The following RHBDL2 variants were observed in gnomAD, a reference collection of about 807,000 sequenced individuals.
RHBDL2 encodes rhomboid like 2.
A neutral mutation model predicts 31.7 loss-of-function variants in RHBDL2; 26 were observed. The observed-to-expected ratio is 0.82, with a 90% CI of 0.60 to 1.14. The LOEUF is 1.14. RHBDL2 is among the 50% of genes most tolerant of loss of function. The pLI is 0.00. For synonymous variants in RHBDL2, 123 were observed against 127.2 expected, an observed-to-expected ratio of 0.97 and a Z score of 0.22; for missense variants, 336 against 364.4, an observed-to-expected ratio of 0.92 and a Z score of 0.63.
rs568163713 is a variant in RHBDL2 at position 38,917,219 on chromosome 1, G to T, written c.247-1509C>A. ...TTTTTAGTAGAGACAGGGTTTCACC[G>T]TGTTAGCCAGGATGGTCTCAATCTC... On this transcript the variant is annotated intron_variant, in intron 2 of 7. Coordinates refer to ENST00000372990, the MANE Select transcript of RHBDL2 (RefSeq NM_017821.5). 5.9e-5 allele frequency among the ~76,000 whole-genome samples: 9 copies of T among 151,686 alleles called. No homozygotes were observed. The East Asian group carries it at 1.2e-3, about 20-fold the overall frequency.
intron 1 of RHBDL2, among the ~76,000 whole-genome samples, chr1:38,921,135 G>A (rs1024267402): frequency 2.0e-5 from 3 of 152,192 alleles, no homozygotes; most frequent in African/African-American, 4.8e-5. Context: ...TGGGCCGGGC[G>A]TGGTGGCTCA....
rs1486681102 is a variant in RHBDL2 at position 38,919,352 on chromosome 1, A to G, written c.-125-15T>C. On this transcript the variant is annotated splice_polypyrimidine_tract_variant and intron_variant, in intron 1 of 7. Coordinates refer to ENST00000372990, the MANE Select transcript of RHBDL2 (RefSeq NM_017821.5). ...CAAGGCCTTTCCTGTATGTGAAGAGAAGACAGCTGAAGATGATCAAAATGA... is the reference window on the plus strand; with the variant it reads ...CAAGGCCTTTCCTGTATGTGAAGAGGAGACAGCTGAAGATGATCAAAATGA... The G allele has an allele frequency of 6.4e-7, 1 of 1,554,092 alleles. No individual in the cohort carries two copies. The highest frequency in any genetic ancestry group is 1.9e-5 in the Admixed American group (1 of 52,038).
In RHBDL2 at chr1:38,904,814, G is replaced by C. The variant is rs1001767171; in HGVS notation, c.508+6508C>G. ...TGGGAGGCCGAGGCGGGCGGATCACGAGGTCAGGATATCGAGACCATCCTG... is the reference window on the plus strand; with the variant it reads ...TGGGAGGCCGAGGCGGGCGGATCACCAGGTCAGGATATCGAGACCATCCTG... On this transcript the variant is annotated intron_variant, in intron 4 of 7. Coordinates refer to ENST00000372990, the MANE Select transcript of RHBDL2 (RefSeq NM_017821.5). Among the ~76,000 whole-genome samples the C allele has an allele frequency of 2.8e-5, 4 of 140,726 alleles. No homozygotes were observed. The South Asian group carries it at 9.1e-4, about 32-fold the overall frequency. 92.3% of individuals were successfully genotyped at this position (140,726 alleles called of 152,430 possible).
At chr1:38,895,158 T>C (rs540123686) in intron 5 of RHBDL2, among the ~76,000 whole-genome samples, 1 of 152,226 alleles carries the variant, frequency 6.6e-6, no homozygotes, top group South Asian at 2.1e-4. Context: ...AGCACTGACA[T>C]GGGTAGATGG....
At chr1:38,892,184 G>GC (rs948170103) in intron 6 of RHBDL2, among the ~76,000 whole-genome samples, 3 of 151,922 alleles carry the variant, frequency 2.0e-5, no homozygotes, top group Non-Finnish European at 2.9e-5. Context: ...GCTGCCACCT[G>GC]CCCCCCGCTC....
intron 1 of RHBDL2, among the ~76,000 whole-genome samples, chr1:38,928,572 G>A (rs528030281): frequency 2.0e-5 from 3 of 151,818 alleles, no homozygotes; most frequent in Admixed American, 2.0e-4. Context: ...TCACCCTCCC[G>A]AGTAGCTGGG....
intron 3 of RHBDL2, among the ~76,000 whole-genome samples, chr1:38,914,388 C>G (rs879277598): frequency 6.6e-6 from 1 of 151,862 alleles, no homozygotes; most frequent in Non-Finnish European, 1.5e-5. Flanking sequence ...ATTACAAGCG[C>G]ATGCCACCAC....
At chr1:38,931,480 C>T (rs11588076) in intron 1 of RHBDL2, among the ~76,000 whole-genome samples, 17,848 of 151,694 alleles carry the variant, frequency 0.12, 1,140 homozygotes, top group African/African-American at 0.16. Flanking sequence ...CGAGATCACG[C>T]CACTGCACTC....
intron 1 of RHBDL2, among the ~76,000 whole-genome samples, chr1:38,928,442 A>T (rs10888593): frequency 1.4e-3 from 4 of 2,934 alleles, no homozygotes; most frequent in African/African-American, 0.016. Flanking sequence ...GCGCCCGGCC[A>T]TGTTTTGTTT....
At chr1:38,897,455 T>C (rs1642933305) in intron 4 of RHBDL2, among the ~76,000 whole-genome samples, 2 of 152,142 alleles carry the variant, frequency 1.3e-5, no homozygotes, top group African/African-American at 4.8e-5. Flanking sequence ...TCCTATAATC[T>C]CAGTGCTTTG....
chr1:38,915,494 C>G (rs1643220292), intron 3 of RHBDL2, 68 bp downstream of exon 3: 1 of 1,528,190 alleles, frequency 6.5e-7, no homozygotes, highest in Non-Finnish European at 9.0e-7. Flanking sequence ...ATAAAGCACT[C>G]AACAAATGTT....
At chr1:38,902,683 G>A (rs1389068824) in intron 4 of RHBDL2, among the ~76,000 whole-genome samples, 1 of 151,852 alleles carries the variant, frequency 6.6e-6, no homozygotes, top group Non-Finnish European at 1.5e-5. Context: ...GCCTCCCCAA[G>A]TGCTGGGATT....
chr1:38,902,990 CA>C (rs1643015094), intron 4 of RHBDL2, among the ~76,000 whole-genome samples: 1 of 152,126 alleles, frequency 6.6e-6, no homozygotes, highest in Non-Finnish European at 1.5e-5. Context: ...GTACAGACAA[CA>C]TAATAATCTA....
In RHBDL2 at chr1:38,886,569, C is replaced by A; in HGVS notation, c.847G>T (p.Ala283Ser). The A allele has an allele frequency of 1.9e-6, 3 of 1,605,000 alleles. No homozygotes were observed. The highest frequency in any genetic ancestry group is 1.1e-5 in the South Asian group (1 of 89,364). Residue 283 changes from alanine to serine, a missense_variant, in exon 8 of 8, where the codon GCT (alanine) becomes TCT (serine). By Grantham distance (99) the Ala-to-Ser change is moderately conservative. Coordinates refer to ENST00000372990, the MANE Select transcript of RHBDL2 (RefSeq NM_017821.5). Reference sequence around the variant, plus strand: ...AATAAGACACAAGCTAAATATGCAGCAATTGCTATCCAAAACCTTGGATCT... The same window carrying A: ...AATAAGACACAAGCTAAATATGCAGAAATTGCTATCCAAAACCTTGGATCT... ...LKDPRFWIAIAAYLACVLFAV... is the reference protein window; with the variant it reads ...LKDPRFWIAISAYLACVLFAV...
intron 1 of RHBDL2, among the ~76,000 whole-genome samples, chr1:38,921,518 T>A (rs765495625): frequency 4.6e-5 from 7 of 152,156 alleles, no homozygotes; most frequent in African/African-American, 1.7e-4. Flanking sequence ...CTGGCGCCTG[T>A]TTTCACACTG....
rs566236171 is a variant in RHBDL2 at position 38,914,926 on chromosome 1, G to A, written c.395+636C>T. ...TGCCTGTAATCCCAGCTACTCAGGA[G>A]GCTGAGGCAGGAGAATCGCTCCAAC... On this transcript the variant is annotated intron_variant, in intron 3 of 7. Coordinates refer to ENST00000372990, the MANE Select transcript of RHBDL2 (RefSeq NM_017821.5). Among the ~76,000 whole-genome samples the A allele has an allele frequency of 7.3e-5, 11 of 151,216 alleles. No individual in the cohort carries two copies. The East Asian group carries it at 2.1e-3, about 28-fold the overall frequency.
intron 1 of RHBDL2, chr1:38,929,496 T>C (rs1487313156): frequency 1.6e-6 from 2 of 1,289,354 alleles, no homozygotes; most frequent in Non-Finnish European, 2.0e-6. Flanking sequence ...CTTGTGCCGC[T>C]TGCCTAGCTG....
At chr1:38,925,099 A>G (rs1267032851) in intron 1 of RHBDL2, among the ~76,000 whole-genome samples, 1 of 152,084 alleles carries the variant, frequency 6.6e-6, no homozygotes, top group Non-Finnish European at 1.5e-5. Flanking sequence ...ATTTCTATAA[A>G]GAGATTTACA....
intron 1 of RHBDL2, among the ~76,000 whole-genome samples, chr1:38,921,054 T>C (rs2124341380): frequency 6.6e-6 from 1 of 152,340 alleles, no homozygotes; most frequent in East Asian, 1.9e-4. Context: ...AGGATAATGA[T>C]AGCACTTGCT....
Sources: gnomAD v4.1 joint callset for allele counts (sites outside exome capture counted in the v4.1 genomes callset) on GRCh38, gnomAD v4.1.1 for gene constraint, MANE v1.5 for transcripts, NCBI Gene and HGNC (gene_info 2026-07-23, HGNC 2026-07-21) for gene names.